Variants in TMEM117 observed in about 807,000 individuals in gnomAD.
TMEM117 encodes transmembrane protein 117.
In TMEM117, 27 loss-of-function variants were observed where a neutral mutation model predicts 52.4. The observed-to-expected ratio is 0.51, with a 90% CI of 0.38 to 0.71. The LOEUF is 0.71. Among genes scored for constraint, TMEM117 ranks in the 30% least tolerant of loss-of-function variants. The probability of loss-of-function intolerance (pLI) is 0.00; values close to 1 mark genes in which losing one functional copy is unlikely to be tolerated. For synonymous variants in TMEM117, 215 were observed against 206.3 expected, an observed-to-expected ratio of 1.04 and a Z score of -0.36; for missense variants, 556 against 630.5, an observed-to-expected ratio of 0.88 and a Z score of 1.26.
the TMEM117 span, among the ~76,000 whole-genome samples, chr12:43,822,074 T>C: frequency 6.6e-6 from 1 of 152,206 alleles, no homozygotes; most frequent in South Asian, 2.1e-4. Flanking sequence ...CAGACATTTA[T>C]GGACATGGAA....
At position 43,853,860 on chromosome 12, in the gene TMEM117, C is replaced by T. The variant is rs556163474; in HGVS notation, c.277+8932C>T. Reference sequence around the variant, plus strand: ...TGTGGGACCTAAATTGAGTCTCAAGCGTGAGTGGGATTAAAATAGTCAGAT... The same window carrying T: ...TGTGGGACCTAAATTGAGTCTCAAGTGTGAGTGGGATTAAAATAGTCAGAT... On this transcript the variant is annotated intron_variant, in intron 2 of 7. Transcript: ENST00000266534. 3.9e-5 allele frequency among the ~76,000 whole-genome samples: 6 copies of T among 152,116 alleles called. No homozygotes were observed. The South Asian group carries it at 8.3e-4, about 21-fold the overall frequency.
At chr12:44,100,421 C>T (rs1047930552) in intron 3 of TMEM117, among the ~76,000 whole-genome samples, 3 of 151,912 alleles carry the variant, frequency 2.0e-5, no homozygotes, top group Admixed American at 6.6e-5. Flanking sequence ...ATTAAACATC[C>T]TAATTGTCTC....
intron 3 of TMEM117, among the ~76,000 whole-genome samples, chr12:43,967,853 G>A (rs192731929): frequency 2.0e-5 from 3 of 152,340 alleles, no homozygotes; most frequent in African/African-American, 7.2e-5. Context: ...AAAATAGTGT[G>A]TTCTGAATGA....
At chr12:44,085,411 C>T (rs756397489) in intron 3 of TMEM117, among the ~76,000 whole-genome samples, 15 of 152,160 alleles carry the variant, frequency 9.9e-5, no homozygotes, top group Admixed American at 3.3e-4. Context: ...CTTCAAAGTA[C>T]GAATCCAAAT....
intron 3 of TMEM117, among the ~76,000 whole-genome samples, chr12:44,026,869 CT>C (rs1257398220): frequency 2.6e-4 from 39 of 151,866 alleles, no homozygotes; most frequent in Admixed American, 1.2e-3. Context: ...CAAGAACATT[CT>C]TGTTTGTAAA....
chr12:44,083,920 T>C (rs777372998), intron 3 of TMEM117, among the ~76,000 whole-genome samples: 2 of 152,166 alleles, frequency 1.3e-5, no homozygotes, highest in Non-Finnish European at 2.9e-5. Context: ...TTGTATTAAA[T>C]TAATTTTCCT....
At chr12:44,036,469 C>T (rs565087400) in intron 3 of TMEM117, among the ~76,000 whole-genome samples, 1 of 152,086 alleles carries the variant, frequency 6.6e-6, no homozygotes, top group Non-Finnish European at 1.5e-5. Context: ...TGTTATTTTT[C>T]ATTTGTGGAA....
chr12:44,374,625 T>TGC (rs923146243), intron 6 of TMEM117, among the ~76,000 whole-genome samples: 4 of 143,602 alleles, frequency 2.8e-5, no homozygotes, highest in Admixed American at 6.7e-5. Context: ...TTTGTGTGTG[T>TGC]GTGTGTGTGT....
chr12:43,907,218 A>C (rs1944407914), intron 2 of TMEM117, among the ~76,000 whole-genome samples: 1 of 151,860 alleles, frequency 6.6e-6, no homozygotes, highest in African/African-American at 2.4e-5. Context: ...ACTGGGAGGC[A>C]CCCCCCGGCA....
intron 1 of TMEM117, among the ~76,000 whole-genome samples, chr12:43,840,825 C>G (rs1943105305): frequency 6.6e-6 from 1 of 152,176 alleles, no homozygotes; most frequent in Non-Finnish European, 1.5e-5. Context: ...GTTTTGCAGA[C>G]TATGTGCCCT....
chr12:43,879,579 T>A (rs1020504647), intron 2 of TMEM117, among the ~76,000 whole-genome samples: 11 of 152,216 alleles, frequency 7.2e-5, no homozygotes, highest in Admixed American at 2.6e-4. Flanking sequence ...ATTCTGGGTC[T>A]AATGAGGGCT....
At chr12:44,392,679 C>A (rs1225407902), downstream of TMEM117, among the ~76,000 whole-genome samples, 3 of 143,380 alleles carry the variant, frequency 2.1e-5, no homozygotes, top group African/African-American at 2.5e-5. Flanking sequence ...CCCCCTCCCC[C>A]CACCCCACGA....
intron 6 of TMEM117, among the ~76,000 whole-genome samples, chr12:44,365,702 G>A (rs1951780445): frequency 6.6e-6 from 1 of 151,998 alleles, no homozygotes; most frequent in African/African-American, 2.4e-5. Context: ...TGTTTGCTTA[G>A]TCTGAATTGA....
chr12:43,997,430 C>T (rs1946049233), intron 3 of TMEM117, among the ~76,000 whole-genome samples: 1 of 152,044 alleles, frequency 6.6e-6, no homozygotes, highest in Non-Finnish European at 1.5e-5. Flanking sequence ...TTGAATATCT[C>T]CACTTCTATT....
chr12:44,311,829 A>ATGTATATATGTATATATG, intron 6 of TMEM117, among the ~76,000 whole-genome samples: 1 of 100,898 alleles, frequency 9.9e-6, no homozygotes, highest in African/African-American at 4.6e-5. Context: ...ATATGTATAT[A>ATGTATATATGTATATATG]TGTATATATG....
At chr12:44,143,671 A>G (rs1948601634) in intron 4 of TMEM117, 47 bp downstream of exon 4, 7 of 1,406,700 alleles carry the variant, frequency 5.0e-6, no homozygotes, top group East Asian at 2.3e-5. Context: ...AACGGAAGAC[A>G]TGTTCACAGT....
chr12:44,332,414 C>A (rs1211616885), intron 6 of TMEM117, among the ~76,000 whole-genome samples: 1 of 151,854 alleles, frequency 6.6e-6, no homozygotes, highest in Non-Finnish European at 1.5e-5. Flanking sequence ...ACAACTGGAC[C>A]AAAGGAAAAG....
chr12:43,945,788 C>T (rs1325634382), intron 3 of TMEM117, among the ~76,000 whole-genome samples: 1 of 152,032 alleles, frequency 6.6e-6, no homozygotes, highest in Non-Finnish European at 1.5e-5. Flanking sequence ...AGGTAATATC[C>T]TTTTCTTCTA....
intron 3 of TMEM117, among the ~76,000 whole-genome samples, chr12:44,037,621 T>C (rs2137886660): frequency 6.6e-6 from 1 of 152,210 alleles, no homozygotes; most frequent in Admixed American, 6.5e-5. Context: ...GAACATATGA[T>C]GCTTTTTCTG....
Sources: gnomAD v4.1 joint callset for allele counts (sites outside exome capture counted in the v4.1 genomes callset) on GRCh38, gnomAD v4.1.1 for gene constraint, MANE v1.5 for transcripts, NCBI Gene and HGNC (gene_info 2026-07-23, HGNC 2026-07-21) for gene names.